Variants in KCNC3 observed in about 807,000 individuals in gnomAD.
KCNC3 encodes potassium voltage-gated channel subfamily C member 3, also known as voltage-gated potassium channel KCNC3.
KCNC3 carries 22 observed loss-of-function variants against 43.9 expected under a neutral mutation model. That is an observed-to-expected ratio of 0.50 (90% CI 0.36 to 0.72). The LOEUF (loss-of-function observed/expected upper bound fraction) is 0.72. KCNC3 is among the 30% of genes least tolerant of loss of function. The pLI is 0.00. For missense variants in KCNC3, 829 were observed against 1,073.8 expected (o/e 0.77, Z 3.19); for synonymous variants, 492 against 488.0 (o/e 1.01, Z -0.11).
chr19:50,317,316 G>T (rs572801299), intron 4 of KCNC3, among the ~76,000 whole-genome samples: 12 of 152,198 alleles, frequency 7.9e-5, no homozygotes, highest in African/African-American at 2.9e-4. Context: ...GTGCTCTGTG[G>T]CCTGGGGTGG....
Position 50,320,581 on chromosome 19 carries a change from G to C in KCNC3, c.2170+12C>G. ...GGAGGGTCCCAGGGGATCAGTAGGGGGGGCACCTCACCTTTTCGGATGGAG... is the reference window on the plus strand; with the variant it reads ...GGAGGGTCCCAGGGGATCAGTAGGGCGGGCACCTCACCTTTTCGGATGGAG... On this transcript the variant is annotated intron_variant, in intron 3 of 4. Coordinates refer to ENST00000477616, the MANE Select transcript of KCNC3 (RefSeq NM_004977.3). 1.2e-6 allele frequency: 2 copies of C among 1,609,040 alleles called. No individual in the cohort carries two copies. Among genetic ancestry groups the C allele is most frequent in the Non-Finnish European group, 8.5e-7 (1 of 1,178,412 alleles).
chr19:50,326,384 C>T (rs767423916), intron 1 of KCNC3, among the ~76,000 whole-genome samples: 14 of 152,174 alleles, frequency 9.2e-5, no homozygotes, highest in Non-Finnish European at 1.9e-4. Context: ...ATGTCCCTTC[C>T]GCACCTCCTC....
In KCNC3 at chr19:50,328,981, TGGCGGCGGC is replaced by T. The variant is rs995280885; in HGVS notation, c.93_101del (p.Pro33_Pro35del). ...GCTGCTGCTGCTGCGGCGGCAGCGG[TGGCGGCGGC>T]GGGGACTCGGGCGGCTGCGGCGGTG... On this transcript the variant is annotated inframe_deletion, in exon 1 of 5. Transcript: ENST00000477616. 8.4e-6 allele frequency: 9 copies of T among 1,073,540 alleles called. No homozygotes were observed. The highest frequency in any genetic ancestry group is 1.1e-5 in the Non-Finnish European group (9 of 851,410). 66.5% of individuals were successfully genotyped at this position (1,073,540 alleles called of 1,614,324 possible).
Position 50,323,319 on chromosome 19 carries a change from T to C in KCNC3, c.1634A>G (p.Tyr545Cys). ...CTGCTTGGCCATGGCCAGCGAATAGTACATGCCAAAGTTGTTGACAATGAC... is the reference window on the plus strand; with the variant it reads ...CTGCTTGGCCATGGCCAGCGAATAGCACATGCCAAAGTTGTTGACAATGAC... ...VPVIVNNFGM[Y>C]YSLAMAKQKL... Residue 545 changes from tyrosine to cysteine, a missense_variant, in exon 2 of 5, where the codon TAC (tyrosine) becomes TGC (cysteine). Transcript: ENST00000477616. The C allele has an allele frequency of 6.2e-7, 1 of 1,613,836 alleles. No homozygotes were observed. The highest frequency in any genetic ancestry group is 8.5e-7 in the Non-Finnish European group (1 of 1,180,028).
chr19:50,316,666 G>T (rs988785395), intron 4 of KCNC3, among the ~76,000 whole-genome samples: 2 of 152,124 alleles, frequency 1.3e-5, no homozygotes, highest in African/African-American at 4.8e-5. Context: ...AACCTGGGAG[G>T]CAGAGGCTGC....
Position 50,328,709 on chromosome 19 carries a change from C to A in KCNC3, c.374G>T (p.Arg125Leu), listed in dbSNP as rs763827586. The A allele has an allele frequency of 2.5e-6, 4 of 1,599,632 alleles. No individual in the cohort carries two copies. The South Asian group carries it at 3.3e-5, about 13-fold the overall frequency. Residue 125 changes from arginine (R) to leucine (L), a missense_variant, in exon 1 of 5, where the codon CGC (arginine) becomes CTC (leucine). Physicochemically the swap from Arg to Leu is moderately radical, Grantham distance 102. Around this residue, in one of 7 missense-constraint regions of KCNC3, gnomAD observed 121 missense variants for 247.4 expected, o/e 0.49. Coordinates refer to ENST00000477616, the MANE Select transcript of KCNC3 (RefSeq NM_004977.3). ...GTCGGCGCCCGGGTCGTAGTCGAAG[C>A]GTGCCGCCGCCTCGGGCTCCGTCAG... ...AGLTEPEAAA[R>L]FDYDPGADEF...
Position 50,329,077 on chromosome 19 carries a change from C to G in KCNC3, c.6G>C (p.Leu2=). 1 of 1,034,270 alleles carries G rather than the reference C, an allele frequency of 9.7e-7. No homozygotes were observed. The highest frequency in any genetic ancestry group is 2.0e-5 in the African/African-American group (1 of 50,174). 64.1% of individuals were successfully genotyped at this position (1,034,270 alleles called of 1,614,324 possible). A position where few individuals can be genotyped will look rare whatever the true frequency, so the allele number is the denominator to read the frequency against. The change falls in exon 1 of 5, where the codon CTG becomes CTC. Residue 2 remains leucine (L), a synonymous_variant. Coordinates refer to ENST00000477616, the MANE Select transcript of KCNC3 (RefSeq NM_004977.3). The stretch of plus-strand genomic sequence containing the variant: ...GGAAGGACGAGACGCAGACTGAGCT[C>G]AGCATTGGACGGGGGGCGGGGCGGG... M[L]SSVCVSSFRG...
rs766753476 is a variant in KCNC3, at chr19:50,320,264, C to T, written c.2256G>A (p.Ala752=). 3.4e-5 allele frequency: 35 copies of T among 1,029,406 alleles called. No homozygotes were observed. The highest frequency in any genetic ancestry group is 5.2e-5 in the South Asian group (2 of 38,732). The allele number at this position is 1,029,406 out of a possible 1,614,324, so 63.8% of individuals were successfully genotyped here. ...TCGTCCACTAGGGGGATATCCAGGC[C>T]GCGGCGTTGGCGTTGAGGTCGGGCA... ...SFLPDLNANA[A]AWISP The change falls in exon 4 of 5, where the codon GCG becomes GCA. Residue 752 remains alanine (A), a synonymous_variant. Coordinates refer to ENST00000477616, the MANE Select transcript of KCNC3 (RefSeq NM_004977.3).
chr19:50,314,748 CT>C lies in KCNC3; in HGVS notation c.*1366del. 2.3e-6 allele frequency: 1 copy of C among 440,152 alleles called. No individual in the cohort carries two copies. Among genetic ancestry groups the C allele is most frequent in the Middle Eastern group, 6.4e-4 (1 of 1,554 alleles). 27.3% of individuals were successfully genotyped at this position (440,152 alleles called of 1,614,324 possible). A position where few individuals can be genotyped will look rare whatever the true frequency, so the allele number is the denominator to read the frequency against. ...CATCTCGGTTGCATATTATTAATGACTTTTTGATTTTTTTTAAAAAAACCCT... is the reference window on the plus strand; with the variant it reads ...CATCTCGGTTGCATATTATTAATGACTTTTGATTTTTTTTAAAAAAACCCT... On this transcript the variant is annotated 3_prime_UTR_variant, in exon 5 of 5. Transcript: ENST00000477616.
Position 50,314,992 on chromosome 19 carries a change from T to C in KCNC3, c.*1123A>G, listed in dbSNP as rs1274057258. On this transcript the variant is annotated 3_prime_UTR_variant, in exon 5 of 5. Coordinates refer to ENST00000477616, the MANE Select transcript of KCNC3 (RefSeq NM_004977.3). Reference sequence around the variant, plus strand: ...TGAGGCTGCGGGATTTCTCGTAACCTGGGGGGTGGGGAGGTGTGCAGACAC... The same window carrying C: ...TGAGGCTGCGGGATTTCTCGTAACCCGGGGGGTGGGGAGGTGTGCAGACAC... 1 of 247,386 alleles carries C rather than the reference T, an allele frequency of 4.0e-6. No individual in the cohort carries two copies. The highest frequency in any genetic ancestry group is 8.0e-6 in the Non-Finnish European group (1 of 125,122). 15.3% of individuals were successfully genotyped at this position (247,386 alleles called of 1,614,324 possible).
intron 1 of KCNC3, among the ~76,000 whole-genome samples, chr19:50,325,717 G>A (rs1162816774): frequency 1.3e-5 from 2 of 151,996 alleles, no homozygotes; most frequent in Non-Finnish European, 1.5e-5. Context: ...AGTGGGGGCG[G>A]GCCAGCCGGG....
chr19:50,318,222 T>G (rs1300610122), intron 4 of KCNC3, among the ~76,000 whole-genome samples: 1 of 152,116 alleles, frequency 6.6e-6, no homozygotes, highest in East Asian at 1.9e-4. Context: ...TAGCCCAGGC[T>G]GGAGTGCAGT....
intron 2 of KCNC3, among the ~76,000 whole-genome samples, chr19:50,321,434 C>T (rs2037032633): frequency 6.6e-6 from 1 of 152,052 alleles, no homozygotes; most frequent in Non-Finnish European, 1.5e-5. Flanking sequence ...TTCACTGCTT[C>T]AGCCTGGGTG....
In KCNC3 at chr19:50,323,891, C is replaced by A; in HGVS notation, c.1062G>T (p.Val354=). 1.2e-6 allele frequency: 2 copies of A among 1,614,238 alleles called. No homozygotes were observed. The highest frequency in any genetic ancestry group is 1.7e-6 in the Non-Finnish European group (2 of 1,180,044). ...ACTCGAAGGTGAACCAGACCACGCA[C>A]ACCCCCTCCACGTAGGTCAGGAAGG... The part of the protein sequence containing the change: ...TEPFLTYVEG[V]CVVWFTFEFL... Residue 354 remains valine (V), a synonymous_variant, in exon 2 of 5, where the codon GTG becomes GTT. Coordinates refer to ENST00000477616, the MANE Select transcript of KCNC3 (RefSeq NM_004977.3).
At chr19:50,319,770 C>G (rs1028871648) in intron 4 of KCNC3, among the ~76,000 whole-genome samples, 3 of 152,082 alleles carry the variant, frequency 2.0e-5, no homozygotes, top group Admixed American at 6.5e-5. Context: ...GGTTGAACTC[C>G]CCATGCCCAG....
At chr19:50,326,611 G>T (rs1412756047) in intron 1 of KCNC3, among the ~76,000 whole-genome samples, 1 of 152,234 alleles carries the variant, frequency 6.6e-6, no homozygotes, top group South Asian at 2.1e-4. Flanking sequence ...CCCAGGAGGG[G>T]GTCTTGGGAT....
chr19:50,313,967 T>C lies in KCNC3; in HGVS notation c.*2148A>G, dbSNP rs1188440729. The C allele has an allele frequency of 6.6e-6, 1 of 151,852 alleles. No homozygotes were observed. Among genetic ancestry groups the C allele is most frequent in the Non-Finnish European group, 1.5e-5 (1 of 68,020 alleles). The allele number at this position is 151,852 out of a possible 1,614,324, so 9.4% of individuals were successfully genotyped here. ...GGGAGATGTGGCGTGCCAGGGTCAG[T>C]CTCAGAATTCTGGGTGCAGGTCTCA... On this transcript the variant is annotated 3_prime_UTR_variant, in exon 5 of 5. Transcript: ENST00000477616.
chr19:50,333,409 A>G (rs182110398), upstream of KCNC3: 539 of 156,276 alleles, frequency 3.4e-3, 1 homozygote, highest in Non-Finnish European at 5.7e-3. Flanking sequence ...GAGAAACAGG[A>G]GACGAGGTCC....
In KCNC3 at chr19:50,328,279, C is replaced by A. The variant is rs1015358035; in HGVS notation, c.804G>T (p.Trp268Cys). The A allele has an allele frequency of 1.8e-4, 209 of 1,182,676 alleles. No homozygotes were observed. The highest frequency in any genetic ancestry group is 2.1e-4 in the Non-Finnish European group (198 of 958,972). 73.3% of individuals were successfully genotyped at this position (1,182,676 alleles called of 1,614,324 possible). A position where few individuals can be genotyped will look rare whatever the true frequency, so the allele number is the denominator to read the frequency against. ...ACACGCGGGGCTGCCAGCGGCGCCA[C>A]CATGTGCCGCCCGCGCCGCCCGCGC... is the stretch of plus-strand genomic sequence containing the variant. ...PGGAGGAGGTWWRRWQPRVWA... is the reference protein window; with the variant it reads ...PGGAGGAGGTCWRRWQPRVWA... The change falls in exon 1 of 5, where the codon TGG becomes TGT. Residue 268 changes from tryptophan (W) to cysteine (C), a missense_variant. Coordinates refer to ENST00000477616, the MANE Select transcript of KCNC3 (RefSeq NM_004977.3).
Sources: allele counts gnomAD v4.1 joint callset (sites outside exome capture counted in the v4.1 genomes callset), GRCh38; gene constraint gnomAD v4.1.1; regional missense constraint gnomAD v4.1.1; transcripts MANE v1.5; gene names NCBI Gene and HGNC (gene_info 2026-07-23, HGNC 2026-07-21).